Variants in GPR137C observed in about 807,000 individuals in gnomAD.
GPR137C encodes G protein-coupled receptor 137C, also known as integral membrane protein GPR137C.
Under a neutral mutation model 43.4 loss-of-function variants are expected in GPR137C, and 27 were observed. The ratio of observed to expected loss-of-function variants is 0.62; its 90% CI spans 0.46 to 0.86. GPR137C has a LOEUF of 0.86. Among genes scored for constraint, GPR137C ranks in the 40% least tolerant of loss-of-function variants. The pLI, the probability that GPR137C is intolerant of heterozygous loss-of-function variation, is 0.00. For missense variants in GPR137C, 522 were observed against 534.6 expected (o/e 0.98, Z 0.23); for synonymous variants, 285 against 226.9 (o/e 1.26, Z -2.30).
At chr14:52,577,897 A>G (rs113188709) in intron 1 of GPR137C, among the ~76,000 whole-genome samples, 13,793 of 151,816 alleles carry the variant, frequency 0.091, 693 homozygotes, top group South Asian at 0.15. Context: ...CCTGGGAGGC[A>G]GAGGTTGCAG....
chr14:52,585,391 G>A (rs1020433463), intron 1 of GPR137C, among the ~76,000 whole-genome samples: 6 of 150,408 alleles, frequency 4.0e-5, no homozygotes, highest in South Asian at 2.1e-4. Flanking sequence ...TCTCTCTCTC[G>A]CTCTGTCTCT....
intron 4 of GPR137C, among the ~76,000 whole-genome samples, chr14:52,632,972 A>G (rs1265465245): frequency 6.6e-6 from 1 of 152,012 alleles, no homozygotes; most frequent in Non-Finnish European, 1.5e-5. Context: ...ACTATTTTTC[A>G]TTTACCTTTC....
At position 52,632,147 on chromosome 14, in the gene GPR137C, T is replaced by G; in HGVS notation, c.718-13T>G. 1 of 1,585,428 alleles carries G rather than the reference T, an allele frequency of 6.3e-7. No homozygotes were observed. Among genetic ancestry groups the G allele is most frequent in the Non-Finnish European group, 8.6e-7 (1 of 1,156,200 alleles). On this transcript the variant is annotated splice_polypyrimidine_tract_variant and intron_variant, in intron 3 of 6. Transcript: ENST00000321662. Reference sequence around the variant, plus strand: ...TGTAGAATACTAAAGATGATGATTTTTATTTGTTTTAGGGTATGTCTCTGT... The same window carrying G: ...TGTAGAATACTAAAGATGATGATTTGTATTTGTTTTAGGGTATGTCTCTGT...
chr14:52,561,288 TTAAACA>T (rs1205639969), intron 1 of GPR137C, among the ~76,000 whole-genome samples: 1 of 152,214 alleles, frequency 6.6e-6, no homozygotes, highest in Non-Finnish European at 1.5e-5. Flanking sequence ...TTAGCAGTTG[TTAAACA>T]TAAGCCTGTC....
chr14:52,590,399 G>A (rs2038767068), intron 1 of GPR137C, among the ~76,000 whole-genome samples: 1 of 152,124 alleles, frequency 6.6e-6, no homozygotes, highest in Non-Finnish European at 1.5e-5. Context: ...GTAAGCTGAG[G>A]TTAATTTATT....
intron 3 of GPR137C, among the ~76,000 whole-genome samples, chr14:52,631,518 G>A (rs2139583433): frequency 6.6e-6 from 1 of 152,224 alleles, no homozygotes; most frequent in African/African-American, 2.4e-5. Flanking sequence ...TCTGCAAGAG[G>A]TGACTACCAC....
At chr14:52,564,939 A>G (rs1475918297) in intron 1 of GPR137C, among the ~76,000 whole-genome samples, 2 of 151,650 alleles carry the variant, frequency 1.3e-5, no homozygotes, top group Non-Finnish European at 2.9e-5. Context: ...CCTTCAAAAA[A>G]AAAATGCTTG....
intron 3 of GPR137C, among the ~76,000 whole-genome samples, chr14:52,627,205 C>T (rs927629372): frequency 6.6e-6 from 1 of 151,868 alleles, no homozygotes; most frequent in African/African-American, 2.4e-5. Flanking sequence ...CCAGCCTTGG[C>T]AATGTAGTGA....
At chr14:52,609,240 C>G (rs376360153) in intron 3 of GPR137C, among the ~76,000 whole-genome samples, 2 of 152,014 alleles carry the variant, frequency 1.3e-5, no homozygotes, top group African/African-American at 4.8e-5. Flanking sequence ...ATTTTCAGCT[C>G]CTGAGTTTCT....
At chr14:52,557,871 C>T (rs974484843) in intron 1 of GPR137C, among the ~76,000 whole-genome samples, 5 of 152,156 alleles carry the variant, frequency 3.3e-5, no homozygotes, top group Admixed American at 1.3e-4. Flanking sequence ...CTGGATACAT[C>T]ACTTCTTTAA....
chr14:52,583,909 T>A (rs964133760), intron 1 of GPR137C, among the ~76,000 whole-genome samples: 5 of 151,422 alleles, frequency 3.3e-5, no homozygotes, highest in Non-Finnish European at 5.9e-5. Flanking sequence ...TGACCACACC[T>A]TGGATCAGCT....
intron 1 of GPR137C, among the ~76,000 whole-genome samples, chr14:52,583,955 T>G (rs967891343): frequency 7.2e-4 from 110 of 152,294 alleles, no homozygotes; most frequent in African/African-American, 2.6e-3. Context: ...ACCAATGTCT[T>G]CTCTTTTCCC....
intron 3 of GPR137C, among the ~76,000 whole-genome samples, chr14:52,602,365 C>T (rs1187893922): frequency 6.6e-6 from 1 of 151,882 alleles, no homozygotes; most frequent in African/African-American, 2.4e-5. Context: ...GTTACGCTTT[C>T]ACTATCAAAC....
At chr14:52,576,049 T>C (rs1479339035) in intron 1 of GPR137C, among the ~76,000 whole-genome samples, 2 of 152,166 alleles carry the variant, frequency 1.3e-5, no homozygotes, top group East Asian at 3.9e-4. Flanking sequence ...CCCCAGCCTC[T>C]CCAGAAGTCA....
intron 1 of GPR137C, among the ~76,000 whole-genome samples, chr14:52,585,607 G>A (rs1290110989): frequency 6.6e-6 from 1 of 152,214 alleles, no homozygotes; most frequent in African/African-American, 2.4e-5. Context: ...GCCAAGGCGG[G>A]TGGATCACTT....
intron 2 of GPR137C, among the ~76,000 whole-genome samples, chr14:52,598,703 A>G (rs1283966382): frequency 6.6e-6 from 1 of 152,172 alleles, no homozygotes; most frequent in Admixed American, 6.5e-5. Context: ...CAATAGCGAG[A>G]GTGCTAAGCT....
chr14:52,625,776 G>T (rs185088399), intron 3 of GPR137C, among the ~76,000 whole-genome samples: 1 of 151,454 alleles, frequency 6.6e-6, no homozygotes, highest in Non-Finnish European at 1.5e-5. Context: ...GGATGGTCTC[G>T]ATCTCCTGAT....
intron 1 of GPR137C, among the ~76,000 whole-genome samples, chr14:52,576,293 G>C (rs1260086084): frequency 6.6e-6 from 1 of 152,180 alleles, no homozygotes; most frequent in Non-Finnish European, 1.5e-5. Flanking sequence ...TGTTGCAATT[G>C]ATAGAATTTC....
chr14:52,636,303 T>C lies in GPR137C; in HGVS notation c.*1188T>C, dbSNP rs145433564. 3.3e-5 allele frequency: 5 copies of C among 152,172 alleles called. No individual in the cohort carries two copies. Among genetic ancestry groups the C allele is most frequent in the South Asian group, 4.1e-4 (2 of 4,828 alleles). The allele number at this position is 152,172 out of a possible 1,614,324, so 9.4% of individuals were successfully genotyped here. On this transcript the variant is annotated 3_prime_UTR_variant, in exon 7 of 7. Transcript: ENST00000321662. ...CTTTTAGAATTACATTAAAACTGTC[T>C]TAAATGTCCTATCCCAAATCTAAAA...
Sources: allele counts gnomAD v4.1 joint callset (sites outside exome capture counted in the v4.1 genomes callset), GRCh38; gene constraint gnomAD v4.1.1; transcripts MANE v1.5; gene names NCBI Gene and HGNC (gene_info 2026-07-23, HGNC 2026-07-21).